Variants in RNF213 observed in about 807,000 individuals in gnomAD.
RNF213 encodes the protein ring finger protein 213.
In RNF213, 341 loss-of-function variants were observed where a neutral mutation model predicts 514.4. The ratio of observed to expected loss-of-function variants is 0.66; its 90% CI spans 0.61 to 0.73. RNF213 has a LOEUF of 0.73. Among genes scored for constraint, RNF213 ranks in the 30% least tolerant of loss-of-function variants. RNF213 has a pLI of 0.00. For missense variants in RNF213, 5,767 were observed against 6,615.6 expected (o/e 0.87, Z 4.45); for synonymous variants, 2,655 against 2,658.2 (o/e 1.00, Z 0.04).
intron 37 of RNF213, 31 bp from the exon 38 acceptor site, chr17:80,360,030 C>G (rs773991295): frequency 3.7e-6 from 6 of 1,612,502 alleles, no homozygotes; most frequent in Non-Finnish European, 3.4e-6. Flanking sequence ...TCTCACAAAC[C>G]CTCTTCTTAT....
intron 64 of RNF213, chr17:80,388,892 G>A (rs2080347460): frequency 3.1e-6 from 2 of 635,538 alleles, no homozygotes; most frequent in Admixed American, 2.5e-5. Context: ...TTGTGGGTTT[G>A]ATTCTTAGGA....
chr17:80,261,343 T>G (rs937979140), intron 1 of RNF213, among the ~76,000 whole-genome samples: 1 of 152,176 alleles, frequency 6.6e-6, no homozygotes, highest in African/African-American at 2.4e-5. Context: ...AAAAACAGAC[T>G]CCTAACTTTT....
chr17:80,347,180 G>C lies in RNF213; in HGVS notation c.8845G>C (p.Glu2949Gln). 2 of 1,613,850 alleles carry C rather than the reference G, an allele frequency of 1.2e-6. No individual in the cohort carries two copies. Among genetic ancestry groups the C allele is most frequent in the South Asian group, 2.2e-5 (2 of 91,028 alleles). ...YETVCKRQDK[E>Q]FFGLRDYYSL... ...AACGGTGTGTAAGCGCCAGGACAAG[G>C]AATTCTTCGGGCTTCGTGACTACTA... The change falls in exon 29 of 68, where the codon GAA (glutamate) becomes CAA (glutamine). Residue 2949 changes from glutamate to glutamine, a missense_variant. Around this residue, in one of 13 missense-constraint regions of RNF213, gnomAD observed 919 missense variants for 1,121.0 expected, o/e 0.82. Coordinates refer to ENST00000582970, the MANE Select transcript of RNF213 (RefSeq NM_001256071.3). The surrounding 1 kb of genome is among the most constrained non-coding windows in gnomAD (Gnocchi z 7.2).
intron 38 of RNF213, among the ~76,000 whole-genome samples, chr17:80,361,524 C>CA (rs1052089537): frequency 3.4e-4 from 51 of 151,402 alleles, no homozygotes; most frequent in South Asian, 2.5e-3. Context: ...ACTCCATCTC[C>CA]AAAAAAAAGG....
chr17:80,289,652 GTT>G lies in RNF213; in HGVS notation c.934-6_934-5del. ...CTTCAAGGTCAGGGTTTGGTTCCTT[GTT>G]CCAGGAAGCTGAGACCAAGACCAAG... On this transcript the variant is annotated splice_polypyrimidine_tract_variant and splice_region_variant and intron_variant, in intron 5 of 67. Transcript: ENST00000582970. 1 of 1,612,502 alleles carries G rather than the reference GTT, an allele frequency of 6.2e-7. No homozygotes were observed. Among genetic ancestry groups the G allele is most frequent in the Non-Finnish European group, 8.5e-7 (1 of 1,179,164 alleles).
chr17:80,352,161 G>A lies in RNF213; in HGVS notation c.10303+358G>A, dbSNP rs1033829446. ...AGCCACCGCACCCAGCCCAGTCAGT[G>A]TATTTATTTAAGTCATGTTGGAACT... On this transcript the variant is annotated intron_variant, in intron 32 of 67. Transcript: ENST00000582970. 1.6e-4 allele frequency: 37 copies of A among 234,994 alleles called. No homozygotes were observed. In the Admixed American group the frequency reaches 1.9e-3, roughly 12 times the overall value. The allele number at this position is 234,994 out of a possible 1,614,324, so 14.6% of individuals were successfully genotyped here.
In RNF213 at chr17:80,368,077, T is replaced by C. The variant is rs1173171674; in HGVS notation, c.12089T>C (p.Met4030Thr). ...CLRAWFASEQ[M>T]ICPYCLTALP... ...AGGGCCTGGTTTGCCTCAGAGCAGATGATATGCCCCTACTGTTTAACTGCC... is the reference window on the plus strand; with the variant it reads ...AGGGCCTGGTTTGCCTCAGAGCAGACGATATGCCCCTACTGTTTAACTGCC... Residue 4030 changes from methionine (M) to threonine (T), a missense_variant, in exon 44 of 68, where the codon ATG (methionine) becomes ACG (threonine). Coordinates refer to ENST00000582970, the MANE Select transcript of RNF213 (RefSeq NM_001256071.3). 2 of 1,614,186 alleles carry C rather than the reference T, an allele frequency of 1.2e-6. No homozygotes were observed.
chr17:80,391,374 G>A (rs939861837), intron 67 of RNF213, among the ~76,000 whole-genome samples: 2 of 152,104 alleles, frequency 1.3e-5, no homozygotes, highest in African/African-American at 2.4e-5. Flanking sequence ...GGGTTCAATC[G>A]ATTCTCCTGC....
chr17:80,298,425 CGCGGCACAAGG>C lies in RNF213; in HGVS notation c.2118_2128del (p.Arg707CysfsTer6). ...CTGCACTGCTGTATGGAGCTGGCCC[CGCGGCACAAGG>C]ATGCCTGGAGACAGCCTGAGGACAC... On this transcript the variant is annotated frameshift_variant, in exon 11 of 68. Transcript: ENST00000582970. LOFTEE classifies it high-confidence loss of function. 1 of 1,614,180 alleles carries C rather than the reference CGCGGCACAAGG, an allele frequency of 6.2e-7. No homozygotes were observed. Among genetic ancestry groups the C allele is most frequent in the South Asian group, 1.1e-5 (1 of 91,086 alleles).
intron 22 of RNF213, 140 bp from the exon 23 acceptor site, chr17:80,336,021 T>C: frequency 1.5e-6 from 1 of 671,364 alleles, no homozygotes; most frequent in Non-Finnish European, 2.5e-6. Flanking sequence ...TTCCGGACTC[T>C]TACTGAAAGC....
intron 39 of RNF213, among the ~76,000 whole-genome samples, chr17:80,362,456 G>T (rs573732835): frequency 6.6e-6 from 1 of 152,306 alleles, no homozygotes; most frequent in East Asian, 1.9e-4. Flanking sequence ...GGAAACATTT[G>T]AAAAATTGCT....
chr17:80,263,626 C>A lies in RNF213; in HGVS notation c.-56C>A. ...GACAGGACATGTAGTATATAGCAGGCTGCCAGCGACTCCTGCTCTTGCTTC... is the reference window on the plus strand; with the variant it reads ...GACAGGACATGTAGTATATAGCAGGATGCCAGCGACTCCTGCTCTTGCTTC... On this transcript the variant is annotated 5_prime_UTR_variant, in exon 2 of 68. It adds an upstream start codon to the 5' untranslated region. Coordinates refer to ENST00000582970, the MANE Select transcript of RNF213 (RefSeq NM_001256071.3). This position sits in a 1 kb window ranked among gnomAD's most constrained non-coding sequence, Gnocchi z 4.9. 1 of 1,392,088 alleles carries A rather than the reference C, an allele frequency of 7.2e-7. No individual in the cohort carries two copies. Among genetic ancestry groups the A allele is most frequent in the Non-Finnish European group, 1.0e-6 (1 of 977,214 alleles). 86.2% of individuals were successfully genotyped at this position (1,392,088 alleles called of 1,614,324 possible). A position where few individuals can be genotyped will look rare whatever the true frequency, so the allele number is the denominator to read the frequency against.
rs1173383554 is a variant in RNF213 at position 80,339,920 on chromosome 17, C to T, written c.5553C>T (p.Thr1851=). The change falls in exon 26 of 68, where the codon ACC becomes ACT. Residue 1851 remains threonine, a synonymous_variant. Transcript: ENST00000582970. The part of the protein sequence containing the change: ...LPAALAVYMQ[T]PSQPLPTYDE... ...CCGCCCTGGCTGTCTACATGCAAACCCCAAGCCAGCCCCTGCCCACTTACG... is the reference window on the plus strand; with the variant it reads ...CCGCCCTGGCTGTCTACATGCAAACTCCAAGCCAGCCCCTGCCCACTTACG... 9 of 1,536,960 alleles carry T rather than the reference C, an allele frequency of 5.9e-6. No homozygotes were observed. The Admixed American group carries it at 9.8e-5, about 17-fold the overall frequency.
Position 80,344,016 on chromosome 17 carries a change from G to T in RNF213, c.6342+1G>T. The T allele has an allele frequency of 6.2e-7, 1 of 1,614,160 alleles. No individual in the cohort carries two copies. The highest frequency in any genetic ancestry group is 8.5e-7 in the Non-Finnish European group (1 of 1,180,014). ...GCCGTCGAGGAGCTCTTCAGCGCTG[G>T]TCTGTACTGTGGGGCGTTTTCGCCT... On this transcript the variant is annotated splice_donor_variant, in intron 28 of 67. Transcript: ENST00000582970. LOFTEE classifies it high-confidence loss of function.
Position 80,391,135 on chromosome 17 carries a change from ATAT to A in RNF213, c.15470+943_15470+945del, listed in dbSNP as rs1187599174. On this transcript the variant is annotated intron_variant, in intron 67 of 67. Transcript: ENST00000582970. ...AGTGTATGAGAATACTCAACATTGGATATTATCCATCTTTTACATAGTTGCCAA... is the reference window on the plus strand; with the variant it reads ...AGTGTATGAGAATACTCAACATTGGATATCCATCTTTTACATAGTTGCCAA... Among the ~76,000 whole-genome samples, 8 of 152,292 alleles carry A rather than the reference ATAT, an allele frequency of 5.3e-5. No individual in the cohort carries two copies. The East Asian group carries it at 1.5e-3, about 29-fold the overall frequency.
In RNF213 at chr17:80,307,189, C is replaced by T; in HGVS notation, c.2489C>T (p.Thr830Ile). ...ILEMLLRLLDTYRDKIPEEAL... is the reference protein window; with the variant it reads ...ILEMLLRLLDIYRDKIPEEAL... ...GAAATGCTGTTGCGACTCCTGGACA[C>T]TTACCGGGACAAGTAAGTGGAAAGC... The change falls in exon 13 of 68, where the codon ACT (threonine) becomes ATT (isoleucine). Residue 830 changes from threonine (T) to isoleucine (I), a missense_variant. Thr to Ile is a moderately conservative substitution (Grantham distance 89, BLOSUM62 -1). Around this residue, in one of 13 missense-constraint regions of RNF213, gnomAD observed 592 missense variants for 673.9 expected, o/e 0.88. Coordinates refer to ENST00000582970, the MANE Select transcript of RNF213 (RefSeq NM_001256071.3). 2 of 1,613,848 alleles carry T rather than the reference C, an allele frequency of 1.2e-6. No individual in the cohort carries two copies. Among genetic ancestry groups the T allele is most frequent in the South Asian group, 1.1e-5 (1 of 91,074 alleles).
chr17:80,371,009 A>AT (rs34235051), intron 46 of RNF213, among the ~76,000 whole-genome samples: 89 of 151,202 alleles, frequency 5.9e-4, no homozygotes, highest in African/African-American at 9.2e-4. Context: ...ATGAATATGG[A>AT]TTTTTTTTTT....
At position 80,344,730 on chromosome 17, in the gene RNF213, G is replaced by A. The variant is rs1000215803; in HGVS notation, c.6395G>A (p.Cys2132Tyr). ...CTTGACATCTTCCCAAAAGTCACCT[G>A]CAGGCCTCCCAAAGAGGTGATAGAC... Reference protein sequence around the residue: ...SFLDIFPKVTCRPPKEVIDME... With the variant: ...SFLDIFPKVTYRPPKEVIDME... Residue 2132 changes from cysteine to tyrosine, a missense_variant, in exon 29 of 68, where the codon TGC becomes TAC. By Grantham distance (194) the Cys-to-Tyr change is radical (BLOSUM62 -2). Around this residue, in one of 13 missense-constraint regions of RNF213, gnomAD observed 1,377 missense variants for 1,635.2 expected, o/e 0.84. Transcript: ENST00000582970. 2 of 1,614,012 alleles carry A rather than the reference G, an allele frequency of 1.2e-6. No homozygotes were observed. The highest frequency in any genetic ancestry group is 1.1e-5 in the South Asian group (1 of 91,084).
At chr17:80,307,296 G>A in intron 13 of RNF213, 95 bp downstream of exon 13, 9 of 911,746 alleles carry the variant, frequency 9.9e-6, no homozygotes, top group Non-Finnish European at 1.4e-5. Context: ...ATGTGCTGTT[G>A]TAACAGCAAG....
Sources: gnomAD v4.1 joint callset for allele counts (sites outside exome capture counted in the v4.1 genomes callset) on GRCh38, gnomAD v4.1.1 for gene constraint, gnomAD v4.1.1 regional missense constraint, Gnocchi (gnomAD v3.1) non-coding constraint, MANE v1.5 for transcripts, NCBI Gene and HGNC (gene_info 2026-07-23, HGNC 2026-07-21) for gene names.